PDE1A: variants seen among roughly 807,000 people sequenced by gnomAD.
The protein encoded by PDE1A is dual specificity calcium/calmodulin-dependent 3',5'-cyclic nucleotide phosphodiesterase 1A.
PDE1A carries 35 observed loss-of-function variants against 61.7 expected under a neutral mutation model. That is an observed-to-expected ratio of 0.57 (90% confidence interval 0.43 to 0.75). PDE1A has a LOEUF of 0.75. Ranked by LOEUF, PDE1A falls within the 30% of genes least tolerant of loss-of-function variation. The probability of loss-of-function intolerance (pLI) is 0.00; values close to 1 mark genes in which losing one functional copy is unlikely to be tolerated. For missense variants in PDE1A, 597 were observed against 630.6 expected (o/e 0.95, Z 0.57); for synonymous variants, 232 against 213.2 (o/e 1.09, Z -0.77).
the PDE1A span, among the ~76,000 whole-genome samples, chr2:182,645,869 G>A: frequency 6.6e-6 from 1 of 152,038 alleles, no homozygotes; most frequent in Non-Finnish European, 1.5e-5. Flanking sequence ...CCTCAACAAG[G>A]TAAATTATTA....
the PDE1A span, among the ~76,000 whole-genome samples, chr2:182,631,808 T>C: frequency 1.3e-5 from 2 of 152,240 alleles, no homozygotes; most frequent in Admixed American, 6.5e-5. Context: ...CTCTTTCAAG[T>C]ATGATGCTAG....
At chr2:182,537,448 T>A in the PDE1A span, among the ~76,000 whole-genome samples, 1 of 151,846 alleles carries the variant, frequency 6.6e-6, no homozygotes, top group African/African-American at 2.4e-5. Context: ...AGTTGAACAA[T>A]GAGAACATAT....
rs1685497353 is a variant in PDE1A at position 182,451,252 on chromosome 2, G to A, written c.101+71024C>T. 3.0e-5 allele frequency among the ~76,000 whole-genome samples: 2 copies of A among 66,812 alleles called. 1 individual carries two copies. Among genetic ancestry groups the A allele is most frequent in the African/African-American group, 1.1e-4 (2 of 17,648 alleles). 43.8% of individuals were successfully genotyped at this position (66,812 alleles called of 152,430 possible). A position where few individuals can be genotyped will look rare whatever the true frequency, so the allele number is the denominator to read the frequency against. On this transcript the variant is annotated intron_variant, in intron 2 of 14. Transcript: ENST00000410103. ...AAATTAGCCGGGCGTAGTGGCGGGC[G>A]CCTGTAGTCCCAGCTACTTGGGAGG...
chr2:182,551,735 C>G, the PDE1A span, among the ~76,000 whole-genome samples: 2 of 152,108 alleles, frequency 1.3e-5, no homozygotes, highest in African/African-American at 2.4e-5. Flanking sequence ...TGAGATTTGT[C>G]CTGGTGGAGT....
intron 1 of PDE1A, among the ~76,000 whole-genome samples, chr2:182,279,303 C>G (rs778241481): frequency 6.6e-6 from 1 of 151,814 alleles, no homozygotes; most frequent in Non-Finnish European, 1.5e-5. Flanking sequence ...TACAGAAACT[C>G]CCAAAGCATC....
chr2:182,215,854 C>A (rs1433312340), intron 7 of PDE1A, among the ~76,000 whole-genome samples: 1 of 94,884 alleles, frequency 1.1e-5, no homozygotes, highest in Non-Finnish European at 2.1e-5. Context: ...GGAACTGGTA[C>A]CATTCCTTCT....
intron 1 of PDE1A, among the ~76,000 whole-genome samples, chr2:182,338,499 C>T (rs1697983266): frequency 6.6e-6 from 1 of 152,056 alleles, no homozygotes; most frequent in Non-Finnish European, 1.5e-5. Context: ...TCCACCCTTC[C>T]ACTAAGCATA....
At chr2:182,255,659 C>CTTT (rs1303654382) in intron 2 of PDE1A, among the ~76,000 whole-genome samples, 17 of 133,570 alleles carry the variant, frequency 1.3e-4, no homozygotes, top group African/African-American at 3.4e-4. Context: ...TCTTTCTTTT[C>CTTT]TTTTTTTTTT....
At chr2:182,675,289 A>G in the PDE1A span, among the ~76,000 whole-genome samples, 109,554 of 152,002 alleles carry the variant, frequency 0.72, 39,690 homozygotes, top group Middle Eastern at 0.79. Context: ...ACATGATCTC[A>G]TTGTTTTTTA....
intron 1 of PDE1A, among the ~76,000 whole-genome samples, chr2:182,340,739 T>G (rs1698132124): frequency 6.6e-6 from 1 of 152,196 alleles, no homozygotes; most frequent in African/African-American, 2.4e-5. Context: ...AATCTGGGTA[T>G]TAAAAATAAT....
chr2:182,574,703 G>GT, the PDE1A span, among the ~76,000 whole-genome samples: 1 of 151,440 alleles, frequency 6.6e-6, no homozygotes, highest in Non-Finnish European at 1.5e-5. Flanking sequence ...TGTTTGTTTT[G>GT]TTTTTTGAGA....
the PDE1A span, among the ~76,000 whole-genome samples, chr2:182,554,265 T>A: frequency 6.6e-6 from 1 of 152,238 alleles, no homozygotes; most frequent in Non-Finnish European, 1.5e-5. Flanking sequence ...TTTTAGTGCT[T>A]TAAATTAAAA....
At chr2:182,627,257 T>TTATTTATATATAAAATATAAATAATATA in the PDE1A span, among the ~76,000 whole-genome samples, 281 of 14,308 alleles carry the variant, frequency 0.02, 42 homozygotes, top group African/African-American at 0.052. Flanking sequence ...AAATAATATA[T>TTATTTATATATAAAATATAAATAATATA]TATTTATATA....
At chr2:182,206,751 G>A (rs756781402) in intron 7 of PDE1A, among the ~76,000 whole-genome samples, 15 of 152,130 alleles carry the variant, frequency 9.9e-5, no homozygotes, top group Non-Finnish European at 2.1e-4. Context: ...GGAGGTGATT[G>A]GATCTTGGGG....
chr2:182,455,974 T>C (rs920505449), intron 2 of PDE1A, among the ~76,000 whole-genome samples: 1 of 151,864 alleles, frequency 6.6e-6, no homozygotes, highest in African/African-American at 2.4e-5. Flanking sequence ...GTGCTGACTG[T>C]TCAAAGTAAA....
At chr2:182,423,019 G>A (rs1225130852) in intron 1 of PDE1A, among the ~76,000 whole-genome samples, 1 of 152,154 alleles carries the variant, frequency 6.6e-6, no homozygotes, top group South Asian at 2.1e-4. Flanking sequence ...AGCTGGAAGA[G>A]CCTGTGCAGG....
chr2:182,227,711 G>C (rs1358095562), intron 6 of PDE1A, among the ~76,000 whole-genome samples: 2 of 152,090 alleles, frequency 1.3e-5, no homozygotes, highest in Non-Finnish European at 2.9e-5. Context: ...TAGTGAATTA[G>C]AAAGTGGTGG....
At chr2:182,262,406 C>A (rs1038886654) in intron 2 of PDE1A, among the ~76,000 whole-genome samples, 1 of 152,078 alleles carries the variant, frequency 6.6e-6, no homozygotes. Flanking sequence ...GCTGGGACTA[C>A]AGACACACGC....
chr2:182,246,394 C>CTTTTTTT (rs772600912), intron 2 of PDE1A, among the ~76,000 whole-genome samples: 5 of 105,364 alleles, frequency 4.7e-5, no homozygotes, highest in Non-Finnish European at 3.9e-5. Flanking sequence ...AGTCTTTTTT[C>CTTTTTTT]TTTTTTCTTT....
Sources: gnomAD v4.1 joint callset for allele counts (sites outside exome capture counted in the v4.1 genomes callset) on GRCh38, gnomAD v4.1.1 for gene constraint, MANE v1.5 for transcripts, NCBI Gene and HGNC (gene_info 2026-07-23, HGNC 2026-07-21) for gene names.